DGKB: variants seen among roughly 807,000 people sequenced by gnomAD.
DGKB encodes the protein diacylglycerol kinase beta.
Under a neutral mutation model 114.3 loss-of-function variants are expected in DGKB, and 67 were observed. That is an observed-to-expected ratio of 0.59 (90% CI 0.48 to 0.72). The LOEUF (loss-of-function observed/expected upper bound fraction) is 0.72. Among genes scored for constraint, DGKB ranks in the 30% least tolerant of loss-of-function variants. The pLI, the probability that DGKB is intolerant of heterozygous loss-of-function variation, is 0.00. For synonymous variants in DGKB, 398 were observed against 323.1 expected (o/e 1.23, Z -2.49); for missense variants, 907 against 975.2 (o/e 0.93, Z 0.93).
At chr7:14,341,188 T>C (rs1161263098) in intron 22 of DGKB, among the ~76,000 whole-genome samples, 1 of 151,874 alleles carries the variant, frequency 6.6e-6, no homozygotes, top group Non-Finnish European at 1.5e-5. Context: ...AGAACATTGA[T>C]GTTCCTTTGA....
chr7:14,338,475 G>T (rs776292884), intron 23 of DGKB, 40 bp downstream of exon 23: 11 of 1,343,488 alleles, frequency 8.2e-6, no homozygotes, highest in Non-Finnish European at 1.0e-5. Context: ...TTGAAAACAG[G>T]TTAACAAGCA....
rs185410618 is a variant in DGKB at position 14,464,170 on chromosome 7, G to A, written c.1835+13991C>T. Among the ~76,000 whole-genome samples, 89 of 152,052 alleles carry A rather than the reference G, an allele frequency of 5.9e-4. 1 individual carries two copies. The highest frequency in any genetic ancestry group is 8.8e-5 in the Non-Finnish European group (6 of 67,980). On this transcript the variant is annotated intron_variant, in intron 21 of 25. Coordinates refer to ENST00000402815, the MANE Select transcript of DGKB (RefSeq NM_001350709.2). ...TTGAAAATAATTTTTATCATTAGGTGAGTAGAAAACAGGCTAAAGCATCCA... is the reference window on the plus strand; with the variant it reads ...TTGAAAATAATTTTTATCATTAGGTAAGTAGAAAACAGGCTAAAGCATCCA...
intron 20 of DGKB, among the ~76,000 whole-genome samples, chr7:14,570,408 A>T (rs1798206209): frequency 6.6e-6 from 1 of 152,042 alleles, no homozygotes; most frequent in African/African-American, 2.4e-5. Context: ...TGACCCCTGA[A>T]CAACATGGGA....
intron 3 of DGKB, among the ~76,000 whole-genome samples, chr7:14,756,230 G>A (rs1011393672): frequency 6.6e-6 from 1 of 151,914 alleles, no homozygotes; most frequent in African/African-American, 2.4e-5. Context: ...TTCAAATATT[G>A]TTGTGAATAT....
chr7:14,381,298 T>C (rs1374002951), intron 21 of DGKB, among the ~76,000 whole-genome samples: 1 of 152,232 alleles, frequency 6.6e-6, no homozygotes, highest in Non-Finnish European at 1.5e-5. Flanking sequence ...TCTCCATTTG[T>C]ACTTTTGCTC....
intron 2 of DGKB, among the ~76,000 whole-genome samples, chr7:14,815,626 C>T (rs1164663864): frequency 2.6e-5 from 4 of 152,198 alleles, no homozygotes; most frequent in Non-Finnish European, 5.9e-5. Flanking sequence ...CTCTTCTAGC[C>T]ATCCTGATCT....
Position 14,757,662 on chromosome 7 carries a change from G to T in DGKB, c.140C>A (p.Pro47His). 6.3e-7 allele frequency: 1 copy of T among 1,587,384 alleles called. No homozygotes were observed. The highest frequency in any genetic ancestry group is 1.7e-5 in the Admixed American group (1 of 59,130). The change falls in exon 3 of 26, where the codon CCT becomes CAT. Residue 47 changes from proline to histidine, a missense_variant. This residue lies in a region of DGKB where 814 missense variants were observed against 856.6 expected (regional missense o/e 0.95). Coordinates refer to ENST00000402815, the MANE Select transcript of DGKB (RefSeq NM_001350709.2). ...AAGAAAAAGAAGTTTTACCCCTTCA[G>T]GATTATACTTTGCAAGCACACCATT... ...HGNGVLAKYN[P>H]EGKQDILNQT...
chr7:14,469,214 CAAGT>C (rs1225076768), intron 21 of DGKB, among the ~76,000 whole-genome samples: 1 of 151,960 alleles, frequency 6.6e-6, no homozygotes, highest in Non-Finnish European at 1.5e-5. Flanking sequence ...TCTCTGATCC[CAAGT>C]TCCATTTCTT....
In DGKB at chr7:14,694,108, C is replaced by A; in HGVS notation, c.678G>T (p.Thr226=). ...LEEWIQGGMT[T]IPLLVLLGLE... is the part of the protein sequence containing the mutation. ...AGCCCAGGAGCACAAGAAGTGGAAT[C>A]GTTGTCATTCCTCCTTGAATCCATT... The change falls in exon 9 of 26, where the codon ACG becomes ACT. Residue 226 remains threonine, a synonymous_variant. Transcript: ENST00000402815. 6.3e-7 allele frequency: 1 copy of A among 1,592,324 alleles called. No homozygotes were observed. Among genetic ancestry groups the A allele is most frequent in the Non-Finnish European group, 8.6e-7 (1 of 1,167,920 alleles).
intron 1 of DGKB, among the ~76,000 whole-genome samples, chr7:14,910,626 C>T (rs1783954475): frequency 6.6e-6 from 1 of 152,120 alleles, no homozygotes; most frequent in Non-Finnish European, 1.5e-5. Context: ...TCAATTTTCA[C>T]ATGAACAATC....
At chr7:14,400,955 C>T (rs1583658737) in intron 21 of DGKB, among the ~76,000 whole-genome samples, 1 of 151,640 alleles carries the variant, frequency 6.6e-6, no homozygotes, top group Non-Finnish European at 1.5e-5. Flanking sequence ...TGACTGCCTC[C>T]CCACTCAATT....
intron 1 of DGKB, among the ~76,000 whole-genome samples, chr7:14,860,554 C>T (rs1465136142): frequency 6.6e-6 from 1 of 151,778 alleles, no homozygotes; most frequent in Non-Finnish European, 1.5e-5. Flanking sequence ...GATATATGCT[C>T]CATTCTGTTT....
intron 2 of DGKB, among the ~76,000 whole-genome samples, chr7:14,834,725 G>A (rs1418862720): frequency 1.3e-5 from 2 of 152,116 alleles, no homozygotes; most frequent in East Asian, 1.9e-4. Context: ...ACATTTTTCA[G>A]ACATGGCATG....
At chr7:14,804,941 A>C (rs2128060221) in intron 2 of DGKB, among the ~76,000 whole-genome samples, 1 of 151,870 alleles carries the variant, frequency 6.6e-6, no homozygotes, top group South Asian at 2.1e-4. Flanking sequence ...TACCTCTCAT[A>C]ATGTTTAGTC....
At chr7:14,484,106 C>T (rs531989215) in intron 20 of DGKB, among the ~76,000 whole-genome samples, 7 of 150,852 alleles carry the variant, frequency 4.6e-5, no homozygotes, top group Non-Finnish European at 8.8e-5. Context: ...TATTTTGATC[C>T]TCTTAATTTG....
chr7:14,561,286 TAGTG>T (rs997481259), intron 20 of DGKB, among the ~76,000 whole-genome samples: 5 of 152,186 alleles, frequency 3.3e-5, no homozygotes, highest in African/African-American at 1.2e-4. Context: ...TCTGCCATGA[TAGTG>T]AGGCCTCTCC....
intron 3 of DGKB, among the ~76,000 whole-genome samples, chr7:14,754,864 C>T (rs1834640816): frequency 6.6e-6 from 1 of 152,144 alleles, no homozygotes; most frequent in South Asian, 2.1e-4. Flanking sequence ...CTTCCCATGC[C>T]TTCCCCTAAC....
chr7:14,547,100 A>G (rs764598131), intron 20 of DGKB, among the ~76,000 whole-genome samples: 1 of 152,178 alleles, frequency 6.6e-6, no homozygotes, highest in Non-Finnish European at 1.5e-5. Flanking sequence ...AAAATTGTTG[A>G]TATGTGTTTT....
At chr7:14,523,954 A>G (rs1162721845) in intron 20 of DGKB, among the ~76,000 whole-genome samples, 1 of 152,196 alleles carries the variant, frequency 6.6e-6, no homozygotes, top group Non-Finnish European at 1.5e-5. Context: ...TATAGAGAAC[A>G]CCAATCTGAC....
Sources: allele counts gnomAD v4.1 joint callset (sites outside exome capture counted in the v4.1 genomes callset), GRCh38; gene constraint gnomAD v4.1.1; regional missense constraint gnomAD v4.1.1; transcripts MANE v1.5; gene names NCBI Gene and HGNC (gene_info 2026-07-23, HGNC 2026-07-21).